The following DNAH8 variants were observed in gnomAD, a reference collection of about 807,000 sequenced individuals.
DNAH8 encodes the protein dynein axonemal heavy chain 8, also known as axonemal beta dynein heavy chain 8.
In DNAH8, 382 loss-of-function variants were observed where a neutral mutation model predicts 562.1. The ratio of observed to expected loss-of-function variants is 0.68; its 90% CI spans 0.63 to 0.74. The LOEUF is 0.74. DNAH8 is among the 30% of genes least tolerant of loss of function. The pLI, the probability that DNAH8 is intolerant of heterozygous loss-of-function variation, is 0.00. For synonymous variants in DNAH8, 1,881 were observed against 1,919.4 expected, an observed-to-expected ratio of 0.98 and a Z score of 0.52; for missense variants, 5,203 against 5,620.4, an observed-to-expected ratio of 0.93 and a Z score of 2.37.
At position 38,790,383 on chromosome 6, in the gene DNAH8, T is replaced by C. The variant is rs1340873314; in HGVS notation, c.2759T>C (p.Met920Thr). Residue 920 changes from methionine to threonine, a missense_variant, in exon 20 of 93, where the codon ATG becomes ACG. This residue lies in a region of DNAH8 where 2,176 missense variants were observed against 2,365.1 expected (regional missense o/e 0.92). Transcript: ENST00000327475. Reference protein sequence around the residue: ...FFQEVELVLDMFNQLLKKISD... With the variant: ...FFQEVELVLDTFNQLLKKISD... Reference sequence around the variant, plus strand: ...CAAGAAGTCGAATTAGTTTTGGATATGTTCAATCAACTTTTAAAGAAGGTA... The same window carrying C: ...CAAGAAGTCGAATTAGTTTTGGATACGTTCAATCAACTTTTAAAGAAGGTA... 3.2e-6 allele frequency: 5 copies of C among 1,586,354 alleles called. No individual in the cohort carries two copies. Among genetic ancestry groups the C allele is most frequent in the Non-Finnish European group, 3.4e-6 (4 of 1,160,350 alleles).
chr6:38,824,388 T>C (rs4714188), intron 28 of DNAH8, among the ~76,000 whole-genome samples: 43,012 of 152,028 alleles, frequency 0.28, 6,408 homozygotes, highest in East Asian at 0.42. Flanking sequence ...AGTAAGTCTT[T>C]CTTGACTAGT....
At chr6:38,801,761 G>A (rs1770795239) in intron 21 of DNAH8, among the ~76,000 whole-genome samples, 4 of 152,138 alleles carry the variant, frequency 2.6e-5, no homozygotes, top group Admixed American at 2.6e-4. Context: ...TGTCTCCTGG[G>A]ACTAAAAAAT....
At chr6:38,956,090 G>T (rs1036746888) in intron 82 of DNAH8, among the ~76,000 whole-genome samples, 7 of 152,202 alleles carry the variant, frequency 4.6e-5, no homozygotes, top group African/African-American at 1.7e-4. Flanking sequence ...CTTGAAAGTT[G>T]CCCTGTGGCT....
chr6:38,717,635 T>C, intron 1 of DNAH8, among the ~76,000 whole-genome samples: 1 of 151,888 alleles, frequency 6.6e-6, no homozygotes, highest in Middle Eastern at 3.4e-3. Context: ...TGATTTTTTT[T>C]TTTTTTTTAG....
At chr6:38,851,700 A>C in intron 39 of DNAH8, 26 bp downstream of exon 39, 1 of 1,479,006 alleles carries the variant, frequency 6.8e-7, no homozygotes, top group Non-Finnish European at 9.4e-7. Flanking sequence ...CTGTGATCTA[A>C]CTTGCTTTTC....
chr6:38,923,748 C>T (rs570716630), intron 72 of DNAH8, among the ~76,000 whole-genome samples: 16 of 152,114 alleles, frequency 1.1e-4, no homozygotes, highest in African/African-American at 1.4e-4. Context: ...TCAAGGCTCA[C>T]GACCTGTAGG....
chr6:38,831,430 CAAA>C (rs67322321), intron 30 of DNAH8, among the ~76,000 whole-genome samples: 3 of 88,992 alleles, frequency 3.4e-5, no homozygotes, highest in Admixed American at 1.3e-4. Flanking sequence ...GACACCATCT[CAAA>C]AAAAAAAAAA....
intron 79 of DNAH8, among the ~76,000 whole-genome samples, chr6:38,943,613 A>T (rs1055288487): frequency 1.3e-5 from 2 of 152,250 alleles, no homozygotes; most frequent in Admixed American, 1.3e-4. Context: ...ATCCTGCATT[A>T]TAGAGCAATG....
At chr6:38,976,689 A>G (rs1336626125) in intron 85 of DNAH8, among the ~76,000 whole-genome samples, 1 of 152,174 alleles carries the variant, frequency 6.6e-6, no homozygotes, top group East Asian at 1.9e-4. Context: ...CTGCTATAGG[A>G]AGGAATGTTG....
chr6:38,724,924 C>G (rs1763082490), intron 3 of DNAH8, among the ~76,000 whole-genome samples: 1 of 152,002 alleles, frequency 6.6e-6, no homozygotes, highest in Non-Finnish European at 1.5e-5. Context: ...GGGGCCATAT[C>G]CCCTGCTTTT....
At chr6:38,922,739 T>A (rs571165808) in intron 71 of DNAH8, among the ~76,000 whole-genome samples, 1 of 152,328 alleles carries the variant, frequency 6.6e-6, no homozygotes, top group African/African-American at 2.4e-5. Context: ...GACATCAAAA[T>A]GGCAAATCTT....
intron 82 of DNAH8, among the ~76,000 whole-genome samples, chr6:38,971,294 A>G (rs1385394367): frequency 6.6e-6 from 1 of 152,064 alleles, no homozygotes; most frequent in African/African-American, 2.4e-5. Context: ...CCCACCATTG[A>G]TCTTGTTCCT....
chr6:38,891,127 T>G (rs1253392122), intron 58 of DNAH8, among the ~76,000 whole-genome samples: 1 of 152,246 alleles, frequency 6.6e-6, no homozygotes, highest in Non-Finnish European at 1.5e-5. Context: ...TTGACTGACT[T>G]AATACATGGA....
At chr6:38,985,657 T>G in intron 87 of DNAH8, among the ~76,000 whole-genome samples, 1 of 152,190 alleles carries the variant, frequency 6.6e-6, no homozygotes, top group Middle Eastern at 3.2e-3. Flanking sequence ...CAGGTAGACA[T>G]ATCTCAGAAC....
rs574921877 is a variant in DNAH8, at chr6:38,801,473, A to G, written c.2902-1706A>G. Among the ~76,000 whole-genome samples the G allele has an allele frequency of 2.6e-4, 39 of 152,326 alleles. No homozygotes were observed. In the South Asian group the frequency reaches 6.8e-3, roughly 27 times the overall value. On this transcript the variant is annotated intron_variant, in intron 21 of 92. Coordinates refer to ENST00000327475, the MANE Select transcript of DNAH8 (RefSeq NM_001206927.2). ...ATAAACATGTGTGTTCATTCTGCCA[A>G]GTTAATTAGTGTGTCTGGTTCCTGA...
chr6:38,746,780 T>A (rs1582890772), intron 8 of DNAH8, among the ~76,000 whole-genome samples: 1 of 152,104 alleles, frequency 6.6e-6, no homozygotes, highest in Middle Eastern at 3.4e-3. Context: ...AATACAAAAA[T>A]TAGCCAGGAG....
chr6:39,008,256 A>G (rs914051708), intron 88 of DNAH8, among the ~76,000 whole-genome samples: 6 of 152,160 alleles, frequency 3.9e-5, no homozygotes, highest in African/African-American at 1.4e-4. Flanking sequence ...AAATGGATTT[A>G]AAGATGCATG....
intron 42 of DNAH8, among the ~76,000 whole-genome samples, chr6:38,860,029 T>G (rs146144001): frequency 6.6e-6 from 1 of 152,266 alleles, no homozygotes; most frequent in Non-Finnish European, 1.5e-5. Flanking sequence ...TAGCACTTAC[T>G]CTTCCCACAC....
At chr6:38,745,101 A>G (rs1764818819) in intron 8 of DNAH8, among the ~76,000 whole-genome samples, 1 of 152,180 alleles carries the variant, frequency 6.6e-6, no homozygotes, top group Non-Finnish European at 1.5e-5. Context: ...TGTCCCCCAG[A>G]CAAAGAGCAG....
Sources: gnomAD v4.1 joint callset for allele counts (sites outside exome capture counted in the v4.1 genomes callset) on GRCh38, gnomAD v4.1.1 for gene constraint, gnomAD v4.1.1 regional missense constraint, MANE v1.5 for transcripts, NCBI Gene and HGNC (gene_info 2026-07-23, HGNC 2026-07-21) for gene names.